Variants in C3orf20 observed in about 807,000 individuals in gnomAD.
C3orf20 encodes family with sequence similarity 149 member C, also known as uncharacterized protein C3orf20.
C3orf20 carries 76 observed loss-of-function variants against 88.3 expected under a neutral mutation model. The ratio of observed to expected loss-of-function variants is 0.86; its 90% CI spans 0.72 to 1.04. The LOEUF is 1.04. C3orf20 is among the 50% of genes least tolerant of loss of function. The probability of loss-of-function intolerance (pLI) is 0.00; values close to 1 mark genes in which losing one functional copy is unlikely to be tolerated. For synonymous variants in C3orf20, 436 were observed against 437.4 expected (o/e 1.00, Z 0.04); for missense variants, 1,056 against 1,123.3 (o/e 0.94, Z 0.86).
chr3:14,692,188 A>G (rs2032767361), intron 5 of C3orf20, among the ~76,000 whole-genome samples: 1 of 152,202 alleles, frequency 6.6e-6, no homozygotes. Flanking sequence ...GGCCATTATG[A>G]GTGGTGCTGC....
chr3:14,732,551 C>T (rs766461962), intron 12 of C3orf20, among the ~76,000 whole-genome samples: 1 of 152,140 alleles, frequency 6.6e-6, no homozygotes, highest in South Asian at 2.1e-4. Flanking sequence ...CTTTGTTTAA[C>T]CCAGTGTTTC....
At chr3:14,738,331 C>A (rs1261153713) in intron 12 of C3orf20, among the ~76,000 whole-genome samples, 15 of 150,932 alleles carry the variant, frequency 9.9e-5, no homozygotes, top group Admixed American at 7.3e-4. Context: ...CCATGCCCAA[C>A]TAATTTTTTT....
At chr3:14,760,070 C>G (rs938288598) in intron 14 of C3orf20, 72 bp downstream of exon 14, 1 of 1,120,740 alleles carries the variant, frequency 8.9e-7, no homozygotes, top group African/African-American at 1.5e-5. Context: ...TGCAGAATCA[C>G]ACATGTGGGA....
intron 10 of C3orf20, among the ~76,000 whole-genome samples, chr3:14,724,559 G>A (rs768004343): frequency 6.6e-5 from 10 of 152,284 alleles, no homozygotes; most frequent in African/African-American, 1.2e-4. Flanking sequence ...AGCCCTTGAC[G>A]TGTGACAAGT....
intron 12 of C3orf20, among the ~76,000 whole-genome samples, chr3:14,744,773 G>A (rs1369469239): frequency 1.3e-5 from 2 of 152,090 alleles, no homozygotes; most frequent in Non-Finnish European, 2.9e-5. Context: ...GATCTCATGA[G>A]ATTTATTCAC....
intron 11 of C3orf20, among the ~76,000 whole-genome samples, chr3:14,727,535 T>G (rs2034396669): frequency 6.6e-6 from 1 of 152,076 alleles, no homozygotes; most frequent in South Asian, 2.1e-4. Flanking sequence ...CTTCCACCTC[T>G]GAGCCCCTCT....
At chr3:14,738,164 CTTTTT>C (rs35948176) in intron 12 of C3orf20, among the ~76,000 whole-genome samples, 2 of 107,340 alleles carry the variant, frequency 1.9e-5, no homozygotes, top group Admixed American at 1.0e-4. Flanking sequence ...ACAAATATTC[CTTTTT>C]TTTTTTTTTT....
intron 12 of C3orf20, among the ~76,000 whole-genome samples, chr3:14,747,106 A>G (rs2035078033): frequency 6.6e-6 from 1 of 152,230 alleles, no homozygotes; most frequent in African/African-American, 2.4e-5. Flanking sequence ...CAAGTTAGGG[A>G]TGTTGTCAAA....
At chr3:14,732,879 G>A (rs367972490) in intron 12 of C3orf20, among the ~76,000 whole-genome samples, 1 of 72,248 alleles carries the variant, frequency 1.4e-5, no homozygotes, top group African/African-American at 4.5e-5. Flanking sequence ...TTTTATATAA[G>A]GTATAGTGTA....
chr3:14,678,815 A>G (rs896988670), intron 1 of C3orf20, among the ~76,000 whole-genome samples: 7 of 152,216 alleles, frequency 4.6e-5, no homozygotes, highest in African/African-American at 1.4e-4. Context: ...CCAATTGCAG[A>G]GATGAGACCA....
In C3orf20 at chr3:14,761,448, C is replaced by T. The variant is rs200566564; in HGVS notation, c.2353-25C>T. 1.5e-5 allele frequency: 24 copies of T among 1,613,538 alleles called. No individual in the cohort carries two copies. The East Asian group carries it at 5.4e-4, about 36-fold the overall frequency. On this transcript the variant is annotated intron_variant, in intron 14 of 16. Coordinates refer to ENST00000253697, the MANE Select transcript of C3orf20 (RefSeq NM_032137.5). ...TGCTGTGCTGATGTGCTGAGGATCTCTCCTCATTTCCTTCCTGTCAACAGA... is the reference window on the plus strand; with the variant it reads ...TGCTGTGCTGATGTGCTGAGGATCTTTCCTCATTTCCTTCCTGTCAACAGA...
Position 14,704,556 on chromosome 3 carries a change from G to T in C3orf20, c.1098G>T (p.Gly366=). 1 of 1,614,074 alleles carries T rather than the reference G, an allele frequency of 6.2e-7. No homozygotes were observed. The highest frequency in any genetic ancestry group is 8.5e-7 in the Non-Finnish European group (1 of 1,180,024). Reference sequence around the variant, plus strand: ...ATTTCAGTCAGCATTGTCAAGAGGGGAAGGCACCCAAGAAGGCCTTCAAGT... The same window carrying T: ...ATTTCAGTCAGCATTGTCAAGAGGGTAAGGCACCCAAGAAGGCCTTCAAGT... The part of the protein sequence containing the change: ...NHHFSQHCQE[G]KAPKKAFKFH... The change falls in exon 7 of 17, where the codon GGG becomes GGT. Residue 366 remains glycine (G), a synonymous_variant. Transcript: ENST00000253697.
chr3:14,678,041 C>T (rs1337431802), intron 1 of C3orf20, among the ~76,000 whole-genome samples: 1 of 152,076 alleles, frequency 6.6e-6, no homozygotes, highest in Non-Finnish European at 1.5e-5. Flanking sequence ...ACCCTCCCCA[C>T]CTCTACACTA....
chr3:14,716,105 A>T (rs1342713915), intron 9 of C3orf20, among the ~76,000 whole-genome samples: 1 of 152,208 alleles, frequency 6.6e-6, no homozygotes, highest in Non-Finnish European at 1.5e-5. Context: ...GATGTTTAGC[A>T]TCCCACTAGA....
At chr3:14,677,830 A>G (rs1464245769) in intron 1 of C3orf20, among the ~76,000 whole-genome samples, 1 of 152,138 alleles carries the variant, frequency 6.6e-6, no homozygotes, top group East Asian at 1.9e-4. Context: ...GTAGGCAGAA[A>G]TAAGTGTGCT....
At chr3:14,695,329 T>G (rs1238824215) in intron 5 of C3orf20, among the ~76,000 whole-genome samples, 1 of 152,162 alleles carries the variant, frequency 6.6e-6, no homozygotes, top group Non-Finnish European at 1.5e-5. Flanking sequence ...TCTAGTTTTA[T>G]TCCATTGTGG....
chr3:14,732,529 T>C (rs1475552758), intron 12 of C3orf20, among the ~76,000 whole-genome samples: 4 of 152,252 alleles, frequency 2.6e-5, no homozygotes, highest in African/African-American at 9.6e-5. Flanking sequence ...TTTGTTGTCA[T>C]GTCTAAAAAC....
chr3:14,753,633 T>G (rs377386167), intron 12 of C3orf20, among the ~76,000 whole-genome samples: 11 of 152,312 alleles, frequency 7.2e-5, no homozygotes, highest in Admixed American at 2.6e-4. Context: ...TCAGGTTTTT[T>G]TTGTTGTTGT....
chr3:14,729,286 C>T (rs2034461934), intron 12 of C3orf20, among the ~76,000 whole-genome samples: 1 of 152,004 alleles, frequency 6.6e-6, no homozygotes, highest in African/African-American at 2.4e-5. Flanking sequence ...ATACTGAAAC[C>T]CAGATGCAAA....
Sources: gnomAD v4.1 joint callset for allele counts (sites outside exome capture counted in the v4.1 genomes callset) on GRCh38, gnomAD v4.1.1 for gene constraint, MANE v1.5 for transcripts, NCBI Gene and HGNC (gene_info 2026-07-23, HGNC 2026-07-21) for gene names.